Variants in AKIP1 observed in about 807,000 individuals in gnomAD.
AKIP1 encodes the protein A-kinase interacting protein 1, also known as A-kinase-interacting protein 1.
AKIP1 carries 18 observed loss-of-function variants against 22.3 expected under a neutral mutation model. That is an observed-to-expected ratio of 0.81 (90% CI 0.56 to 1.19). AKIP1 has a LOEUF of 1.19. Ranked by LOEUF, AKIP1 falls within the 50% of genes most tolerant of loss-of-function variation. The pLI, the probability that AKIP1 is intolerant of heterozygous loss-of-function variation, is 0.00. For synonymous variants in AKIP1, 120 were observed against 102.7 expected (o/e 1.17, Z -1.02); for missense variants, 287 against 264.6 (o/e 1.08, Z -0.59).
At chr11:8,915,134 G>A (rs1045458942) in intron 4 of AKIP1, among the ~76,000 whole-genome samples, 4 of 152,080 alleles carry the variant, frequency 2.6e-5, no homozygotes, top group Admixed American at 2.6e-4. Context: ...ATATAAGATT[G>A]ATGCCACTGT....
At chr11:8,911,335 G>A in intron 1 of AKIP1, 109 bp from the exon 2 acceptor site, 1 of 972,020 alleles carries the variant, frequency 1.0e-6, no homozygotes, top group Non-Finnish European at 1.5e-6. Flanking sequence ...GGCGGACCAG[G>A]AGCGGTGGTC....
chr11:8,911,989 G>C (rs1169772766), intron 2 of AKIP1, among the ~76,000 whole-genome samples: 2 of 151,916 alleles, frequency 1.3e-5, no homozygotes, highest in Non-Finnish European at 2.9e-5. Context: ...CCTGAGGTCG[G>C]GAGTTCGAAA....
Position 8,919,361 on chromosome 11 carries a change from T to C in AKIP1, c.514T>C (p.Tyr172His). 1 of 1,614,042 alleles carries C rather than the reference T, an allele frequency of 6.2e-7. No individual in the cohort carries two copies. Among genetic ancestry groups the C allele is most frequent in the Non-Finnish European group, 8.5e-7 (1 of 1,179,966 alleles). Residue 172 changes from tyrosine to histidine, a missense_variant, in exon 6 of 6, where the codon TAC becomes CAC. Coordinates refer to ENST00000309377, the MANE Select transcript of AKIP1 (RefSeq NM_020642.4). The stretch of plus-strand genomic sequence containing the variant: ...GGCTGAGAACATCTCTAAGGACCTC[T>C]ACATAGAAGTATATCCAGGGACCTA... Reference protein sequence around the residue: ...QPAENISKDLYIEVYPGTYSV... With the variant: ...QPAENISKDLHIEVYPGTYSV...
In AKIP1 at chr11:8,919,475, G is replaced by T. The variant is rs368774867; in HGVS notation, c.628G>T (p.Val210Leu). 1.2e-6 allele frequency: 2 copies of T among 1,612,718 alleles called. No homozygotes were observed. Among genetic ancestry groups the T allele is most frequent in the Non-Finnish European group, 8.5e-7 (1 of 1,179,662 alleles). ...SGQSVDLVFP[V>L] is the part of the protein sequence containing the mutation. ...ACAAAGCGTGGACCTGGTCTTCCCT[G>T]TGTGATGTTGACCATCACTGCCATC... Residue 210 changes from valine to leucine, a missense_variant, in exon 6 of 6, where the codon GTG becomes TTG. Coordinates refer to ENST00000309377, the MANE Select transcript of AKIP1 (RefSeq NM_020642.4).
chr11:8,917,366 C>A lies in AKIP1; in HGVS notation c.488C>A (p.Pro163His). 1 of 1,613,088 alleles carries A rather than the reference C, an allele frequency of 6.2e-7. No individual in the cohort carries two copies. Among genetic ancestry groups the A allele is most frequent in the Non-Finnish European group, 8.5e-7 (1 of 1,179,366 alleles). Reference sequence around the variant, plus strand: ...GAGCATGCTCCAGAGGCATCCCAGCCTGTGAGTACGGAACTGCTTACGCAC... The same window carrying A: ...GAGCATGCTCCAGAGGCATCCCAGCATGTGAGTACGGAACTGCTTACGCAC... Reference protein sequence around the residue: ...ISEHAPEASQPAENISKDLYI... With the variant: ...ISEHAPEASQHAENISKDLYI... Residue 163 changes from proline to histidine, a missense_variant and splice_region_variant, in exon 5 of 6, where the codon CCT (proline) becomes CAT (histidine). By Grantham distance (77) the Pro-to-His change is moderately conservative. Transcript: ENST00000309377.
chr11:8,915,504 G>A (rs928757061), intron 4 of AKIP1, among the ~76,000 whole-genome samples: 23 of 149,968 alleles, frequency 1.5e-4, no homozygotes, highest in African/African-American at 4.4e-4. Context: ...TGGGACTACA[G>A]GCACATGCCA....
Position 8,916,739 on chromosome 11 carries a change from T to C in AKIP1, c.409-548T>C, listed in dbSNP as rs74053310. On this transcript the variant is annotated intron_variant, in intron 4 of 5. Coordinates refer to ENST00000309377, the MANE Select transcript of AKIP1 (RefSeq NM_020642.4). ...AGAGCTTGAGTCCTGAGCCCCCTTT[T>C]CTGGCCTAGCCTGAACTCTTACCTA... Among the ~76,000 whole-genome samples, 1,226 of 152,292 alleles carry C rather than the reference T, an allele frequency of 8.1e-3. 13 individuals are homozygous for C. Among genetic ancestry groups the C allele is most frequent in the African/African-American group, 0.028 (1,165 of 41,562 alleles).
At chr11:8,914,963 T>C in intron 4 of AKIP1, 33 bp downstream of exon 4, 1 of 1,537,636 alleles carries the variant, frequency 6.5e-7, no homozygotes, top group Non-Finnish European at 9.0e-7. Context: ...CACCATGCCT[T>C]CAGTCTACCA....
In AKIP1 at chr11:8,911,644, C is replaced by T. The variant is rs767472740; in HGVS notation, c.195C>T (p.Ala65=). The change falls in exon 2 of 6, where the codon GCC becomes GCT. Residue 65 remains alanine (A), a synonymous_variant. Transcript: ENST00000309377. ...CCCACCTAGAGAAACAGCCGGCAGC[C>T]GGCCCGCAGCGCGTTCTCCCGGGAG... The part of the protein sequence containing the change: ...EAPHLEKQPA[A]GPQRVLPGER... 6.4e-7 allele frequency: 1 copy of T among 1,573,218 alleles called. No homozygotes were observed.
intron 2 of AKIP1, 116 bp from the exon 3 acceptor site, chr11:8,912,337 C>T (rs1275233548): frequency 4.0e-6 from 3 of 758,378 alleles, no homozygotes; most frequent in South Asian, 3.1e-5. Context: ...ATCGTTCTTT[C>T]TGACATAAAC....
At chr11:8,916,190 A>G (rs2064483522) in intron 4 of AKIP1, among the ~76,000 whole-genome samples, 1 of 151,518 alleles carries the variant, frequency 6.6e-6, no homozygotes, top group African/African-American at 2.4e-5. Context: ...TCCTGACCTC[A>G]GGTGATCTGC....
chr11:8,911,622 A>T lies in AKIP1; in HGVS notation c.173A>T (p.His58Leu), dbSNP rs973947147. 2 of 1,593,930 alleles carry T rather than the reference A, an allele frequency of 1.3e-6. No individual in the cohort carries two copies. Among genetic ancestry groups the T allele is most frequent in the Non-Finnish European group, 1.7e-6 (2 of 1,171,736 alleles). The change falls in exon 2 of 6, where the codon CAC becomes CTC. Residue 58 changes from histidine to leucine, a missense_variant. Coordinates refer to ENST00000309377, the MANE Select transcript of AKIP1 (RefSeq NM_020642.4). ...GGGGTCCTTGCCCGGGAGGCGCCCC[A>T]CCTAGAGAAACAGCCGGCAGCCGGC... Reference protein sequence around the residue: ...CMGVLAREAPHLEKQPAAGPQ... With the variant: ...CMGVLAREAPLLEKQPAAGPQ...
intron 4 of AKIP1, 105 bp from the exon 5 acceptor site, chr11:8,917,182 G>A: frequency 1.5e-6 from 1 of 679,800 alleles, no homozygotes; most frequent in Non-Finnish European, 2.4e-6. Flanking sequence ...CTTAGAAAAA[G>A]CTGACAGAAC....
In AKIP1 at chr11:8,919,044, A is replaced by G. The variant is rs566549502; in HGVS notation, c.490-293A>G. Among the ~76,000 whole-genome samples, 106 of 152,362 alleles carry G rather than the reference A, an allele frequency of 7.0e-4. 1 individual carries two copies. Among genetic ancestry groups the G allele is most frequent in the African/African-American group, 1.1e-3 (46 of 41,586 alleles). ...CCTTTCCTTCTGCCTAACTCCAAGT[A>G]GAGTGTTCTTTTTATAATCCTTCAT... On this transcript the variant is annotated intron_variant, in intron 5 of 5. Transcript: ENST00000309377.
At chr11:8,918,470 C>T (rs1467019272) in intron 5 of AKIP1, among the ~76,000 whole-genome samples, 2 of 152,172 alleles carry the variant, frequency 1.3e-5, no homozygotes, top group African/African-American at 4.8e-5. Context: ...AATTTGCTGG[C>T]CAGTAGTTTG....
chr11:8,919,288 C>T (rs1247922631), intron 5 of AKIP1, 49 bp from the exon 6 acceptor site: 7 of 1,573,366 alleles, frequency 4.4e-6, no homozygotes, highest in Non-Finnish European at 5.2e-6. Flanking sequence ...GCCATGGTGG[C>T]ACTGGGGTAT....
chr11:8,918,507 C>T (rs1000744967), intron 5 of AKIP1, among the ~76,000 whole-genome samples: 7 of 152,262 alleles, frequency 4.6e-5, no homozygotes, highest in Non-Finnish European at 7.3e-5. Context: ...GTAGTGGAAT[C>T]GACAACTTCT....
rs1413051832 is a variant in AKIP1 at position 8,911,740 on chromosome 11, G to A, written c.222+69G>A. 4.3e-6 allele frequency: 6 copies of A among 1,407,828 alleles called. No homozygotes were observed. In the African/African-American group the frequency reaches 7.2e-5, roughly 17 times the overall value. The allele number at this position is 1,407,828 out of a possible 1,614,324, so 87.2% of individuals were successfully genotyped here. The stretch of plus-strand genomic sequence containing the variant: ...CGGTAGCCCGCTGGGAGCCAGGGGT[G>A]CGCAGCGCAGAAGCAGCTGAGGAAA... On this transcript the variant is annotated intron_variant, in intron 2 of 5. Coordinates refer to ENST00000309377, the MANE Select transcript of AKIP1 (RefSeq NM_020642.4).
At chr11:8,917,493 C>A (rs1274407740) in intron 5 of AKIP1, 126 bp downstream of exon 5, 2 of 766,200 alleles carry the variant, frequency 2.6e-6, no homozygotes, top group East Asian at 2.7e-5. Context: ...TGTTCTTACA[C>A]TTAAGAAGGG....
Sources: allele counts gnomAD v4.1 joint callset (sites outside exome capture counted in the v4.1 genomes callset), GRCh38; gene constraint gnomAD v4.1.1; transcripts MANE v1.5; gene names NCBI Gene and HGNC (gene_info 2026-07-23, HGNC 2026-07-21).